The following C1S variants were observed in gnomAD, a reference collection of about 807,000 sequenced individuals.
C1S encodes the protein complement C1s subcomponent.
Under a neutral mutation model 54.0 loss-of-function variants are expected in C1S, and 31 were observed. That is an observed-to-expected ratio of 0.57 (90% CI 0.43 to 0.78). The LOEUF (loss-of-function observed/expected upper bound fraction) is 0.78, where lower values mean the gene tolerates loss of function less well. C1S is among the 30% of genes least tolerant of loss of function. C1S has a pLI of 0.00. For missense variants in C1S, 727 were observed against 851.8 expected, an observed-to-expected ratio of 0.85 and a Z score of 1.82; for synonymous variants, 292 against 303.6, an observed-to-expected ratio of 0.96 and a Z score of 0.40.
chr12:7,061,574 G>C, intron 1 of C1S: 1 of 411,710 alleles, frequency 2.4e-6, no homozygotes, highest in South Asian at 2.1e-5. Context: ...AGAAAACTGG[G>C]AGAAAGTACT....
chr12:7,066,277 C>G (rs782044935), intron 7 of C1S: 3 of 617,922 alleles, frequency 4.9e-6, no homozygotes, highest in African/African-American at 3.7e-5. Flanking sequence ...AACCAGTCAA[C>G]GGTTGCTAGA....
At chr12:7,067,302 G>C in intron 9 of C1S, 185 bp downstream of exon 9, 1 of 658,904 alleles carries the variant, frequency 1.5e-6, no homozygotes. Context: ...AGGCCAACTA[G>C]ATCGGCATGT....
Position 7,065,261 on chromosome 12 carries a change from G to A in C1S, c.679G>A (p.Ala227Thr). The A allele has an allele frequency of 6.2e-7, 1 of 1,614,132 alleles. No homozygotes were observed. The highest frequency in any genetic ancestry group is 1.3e-5 in the African/African-American group (1 of 75,046). ...TLRREDFDVE[A>T]ADSAGNCLDS... ...GCGGAGAGAAGATTTTGATGTGGAAGCAGCTGACTCAGCGGGAAACTGCCT... is the reference window on the plus strand; with the variant it reads ...GCGGAGAGAAGATTTTGATGTGGAAACAGCTGACTCAGCGGGAAACTGCCT... The change falls in exon 6 of 12, where the codon GCA becomes ACA. Residue 227 changes from alanine to threonine, a missense_variant. Physicochemically the swap from Ala to Thr is moderately conservative, Grantham distance 58 (BLOSUM62 0). Coordinates refer to ENST00000360817, the MANE Select transcript of C1S (RefSeq NM_001734.5).
chr12:7,064,274 T>C lies in C1S; in HGVS notation c.399T>C (p.Asn133=). Residue 133 remains asparagine, a synonymous_variant, in exon 5 of 12, where the codon AAT becomes AAC. Transcript: ENST00000360817. Reference sequence around the variant, plus strand: ...TCTTTCTACTCTTTGTAGACATAAATGAATGCACAGATTTTGTAGATGTCC... The same window carrying C: ...TCTTTCTACTCTTTGTAGACATAAACGAATGCACAGATTTTGTAGATGTCC... ...FAAYYVATDI[N]ECTDFVDVPC... is the part of the protein sequence containing the mutation. 6.2e-7 allele frequency: 1 copy of C among 1,614,124 alleles called. No individual in the cohort carries two copies. The highest frequency in any genetic ancestry group is 8.5e-7 in the Non-Finnish European group (1 of 1,179,962).
At chr12:7,066,686 C>T (rs1403191560) in intron 8 of C1S, 53 bp downstream of exon 8, 64 of 1,071,700 alleles carry the variant, frequency 6.0e-5, no homozygotes, top group Admixed American at 2.7e-4. Flanking sequence ...TCAGGATGAG[C>T]GGACTGAAAT....
At chr12:7,067,919 A>G in intron 10 of C1S, 148 bp downstream of exon 10, 3 of 871,284 alleles carry the variant, frequency 3.4e-6, no homozygotes, top group Non-Finnish European at 5.5e-6. Flanking sequence ...CCAAAGATAC[A>G]GTTTTCATCT....
chr12:7,062,743 G>A (rs1254074615), intron 3 of C1S, 61 bp downstream of exon 3: 1 of 1,551,290 alleles, frequency 6.4e-7, no homozygotes, highest in African/African-American at 1.4e-5. Context: ...GCGGAATAAG[G>A]ATGTGGGAGG....
chr12:7,064,749 C>A (rs1242832437), intron 5 of C1S, among the ~76,000 whole-genome samples: 4 of 152,058 alleles, frequency 2.6e-5, no homozygotes, highest in African/African-American at 9.7e-5. Flanking sequence ...GGCATCTATT[C>A]TTAGTTACTC....
In C1S at chr12:7,070,698, T is replaced by C. The variant is rs1555163177; in HGVS notation, c.*47T>C. ...TCTCCAAGGGTGGTGACCAATGCATTACCTTCTGTTCCTTATGATATTCTC... is the reference window on the plus strand; with the variant it reads ...TCTCCAAGGGTGGTGACCAATGCATCACCTTCTGTTCCTTATGATATTCTC... On this transcript the variant is annotated 3_prime_UTR_variant, in exon 12 of 12. Coordinates refer to ENST00000360817, the MANE Select transcript of C1S (RefSeq NM_001734.5). This position sits in a 1 kb window ranked among gnomAD's most constrained non-coding sequence, Gnocchi z 4.9. The C allele has an allele frequency of 5.2e-6, 7 of 1,350,038 alleles. No homozygotes were observed. Among genetic ancestry groups the C allele is most frequent in the Non-Finnish European group, 7.4e-6 (7 of 941,234 alleles). 83.6% of individuals were successfully genotyped at this position (1,350,038 alleles called of 1,614,324 possible).
At chr12:7,065,431 C>T (rs1555162021) in intron 6 of C1S, 132 bp downstream of exon 6, 1 of 750,270 alleles carries the variant, frequency 1.3e-6, no homozygotes, top group African/African-American at 1.7e-5. Context: ...TCACAGCTCA[C>T]TGTAGCCTTG....
At chr12:7,068,426 G>C in intron 10 of C1S, 30 bp from the exon 11 acceptor site, 1 of 1,522,976 alleles carries the variant, frequency 6.6e-7, no homozygotes. Flanking sequence ...GTGGTGGTGA[G>C]TGTGGCCTGT....
Position 7,066,069 on chromosome 12 carries a change from T to C in C1S, c.871+99T>C. The stretch of plus-strand genomic sequence containing the variant: ...ATGATCCAGGCACACTGGAAGCACC[T>C]GTGATCTCAGCTACCGAGGGAGGCT... On this transcript the variant is annotated intron_variant, in intron 7 of 11. Coordinates refer to ENST00000360817, the MANE Select transcript of C1S (RefSeq NM_001734.5). The C allele has an allele frequency of 2.7e-6, 3 of 1,108,254 alleles. No homozygotes were observed. In the East Asian group the frequency reaches 7.1e-5, roughly 26 times the overall value. The allele number at this position is 1,108,254 out of a possible 1,614,324, so 68.7% of individuals were successfully genotyped here. A position where few individuals can be genotyped will look rare whatever the true frequency, so the allele number is the denominator to read the frequency against.
At chr12:7,062,295 G>A (rs921099561) in intron 2 of C1S, 180 bp from the exon 3 acceptor site, 27 of 594,512 alleles carry the variant, frequency 4.5e-5, no homozygotes, top group Non-Finnish European at 7.7e-5. Context: ...AAGGGCTCTT[G>A]TCTGAAGCCT....
intron 9 of C1S, 163 bp downstream of exon 9, chr12:7,067,280 G>A (rs1555162428): frequency 2.6e-5 from 18 of 687,120 alleles, no homozygotes; most frequent in East Asian, 1.9e-4. Context: ...TCCCAGCCCC[G>A]CATCTGGTCC....
chr12:7,069,744 T>C, intron 11 of C1S, 111 bp from the exon 12 acceptor site: 1 of 949,086 alleles, frequency 1.1e-6, no homozygotes, highest in Admixed American at 1.7e-5. Context: ...GACTATTTTG[T>C]ACTAGAGAAT....
rs1947095804 is a variant in C1S, at chr12:7,062,004, T to G, written c.5+87T>G. 9.1e-6 allele frequency: 12 copies of G among 1,323,488 alleles called. No homozygotes were observed. The South Asian group carries it at 1.4e-4, about 16-fold the overall frequency. The allele number at this position is 1,323,488 out of a possible 1,614,324, so 82.0% of individuals were successfully genotyped here. ...GCGCTCAAGGGCCAGGCATGATGGC[T>G]CACACCTGTAACCCCAGCACTTTGG... On this transcript the variant is annotated intron_variant, in intron 2 of 11. Coordinates refer to ENST00000360817, the MANE Select transcript of C1S (RefSeq NM_001734.5).
intron 7 of C1S, 71 bp from the exon 8 acceptor site, chr12:7,066,447 A>T: frequency 1.2e-6 from 1 of 867,294 alleles, no homozygotes; most frequent in Non-Finnish European, 2.0e-6. Flanking sequence ...TGTGAGAATG[A>T]TGTAAATAGA....
chr12:7,061,995 C>T (rs1396029724), intron 2 of C1S, 78 bp downstream of exon 2: 4 of 1,396,446 alleles, frequency 2.9e-6, no homozygotes, highest in Admixed American at 1.7e-5. Flanking sequence ...AAGGGCCAGG[C>T]ATGATGGCTC....
At position 7,065,122 on chromosome 12, in the gene C1S, C is replaced by G. The variant is rs1263347641; in HGVS notation, c.540C>G (p.Phe180Leu). 1 of 1,613,882 alleles carries G rather than the reference C, an allele frequency of 6.2e-7. No individual in the cohort carries two copies. The highest frequency in any genetic ancestry group is 8.5e-7 in the Non-Finnish European group (1 of 1,179,830). Residue 180 changes from phenylalanine to leucine, a missense_variant, in exon 6 of 12, where the codon TTC becomes TTG. Transcript: ENST00000360817. ...NCGVNCSGDV[F>L]TALIGEIASP... ...TAGTTAATTGCAGTGGGGATGTATTCACTGCACTGATTGGGGAGATTGCAA... is the reference window on the plus strand; with the variant it reads ...TAGTTAATTGCAGTGGGGATGTATTGACTGCACTGATTGGGGAGATTGCAA...
Sources: allele counts gnomAD v4.1 joint callset (sites outside exome capture counted in the v4.1 genomes callset), GRCh38; gene constraint gnomAD v4.1.1; non-coding constraint Gnocchi (gnomAD v3.1); transcripts MANE v1.5; gene names NCBI Gene and HGNC (gene_info 2026-07-23, HGNC 2026-07-21).